USP34: variants seen among roughly 807,000 people sequenced by gnomAD.
The protein encoded by USP34 is ubiquitin specific peptidase 34.
USP34 carries 70 observed loss-of-function variants against 460.3 expected under a neutral mutation model. The ratio of observed to expected loss-of-function variants is 0.15; its 90% CI spans 0.13 to 0.19. The LOEUF (loss-of-function observed/expected upper bound fraction) is 0.19. Among genes scored for constraint, USP34 ranks in the 10% least tolerant of loss-of-function variants. USP34 has a pLI of 1.00. For missense variants in USP34, 3,985 were observed against 4,236.2 expected (o/e 0.94, Z 1.65); for synonymous variants, 1,647 against 1,405.3 (o/e 1.17, Z -3.85).
At chr2:61,231,974 C>T (rs1256926615) in intron 58 of USP34, among the ~76,000 whole-genome samples, 1 of 151,492 alleles carries the variant, frequency 6.6e-6, no homozygotes, top group African/African-American at 2.4e-5. Context: ...TGAAAAGTGA[C>T]TATAAAGTAA....
At chr2:61,323,625 A>T (rs1441405913) in intron 21 of USP34, among the ~76,000 whole-genome samples, 2 of 151,890 alleles carry the variant, frequency 1.3e-5, no homozygotes, top group Non-Finnish European at 2.9e-5. Flanking sequence ...AGTGGTGGGG[A>T]GAACAGCCAT....
At chr2:61,263,297 C>CTT (rs1688950751) in intron 43 of USP34, among the ~76,000 whole-genome samples, 1 of 150,948 alleles carries the variant, frequency 6.6e-6, no homozygotes, top group Admixed American at 6.6e-5. Context: ...TCTCCTGCCT[C>CTT]TGACTCCCAA....
chr2:61,397,353 G>A (rs1395836916), intron 3 of USP34, among the ~76,000 whole-genome samples: 1 of 151,214 alleles, frequency 6.6e-6, no homozygotes, highest in East Asian at 1.9e-4. Context: ...TGATGCAGGA[G>A]AACTGCTTGA....
chr2:61,214,095 T>G lies in USP34; in HGVS notation c.8647A>C (p.Lys2883Gln), dbSNP rs1180225578. Residue 2883 changes from lysine (K) to glutamine (Q), a missense_variant, in exon 68 of 80, where the codon AAG becomes CAG. Around this residue, in one of 14 missense-constraint regions of USP34, gnomAD observed 275 missense variants for 292.7 expected, o/e 0.94. Transcript: ENST00000398571. ...ASHQNIQWAF[K>Q]NLTPHASQYP... ...TGGCTGGCATGTGGTGTAAGATTCTTAAAGGCCCACTGGATGTTCTGGTGA... is the reference window on the plus strand; with the variant it reads ...TGGCTGGCATGTGGTGTAAGATTCTGAAAGGCCCACTGGATGTTCTGGTGA... 1 of 1,614,224 alleles carries G rather than the reference T, an allele frequency of 6.2e-7. No individual in the cohort carries two copies. Among genetic ancestry groups the G allele is most frequent in the Admixed American group, 1.7e-5 (1 of 60,032 alleles).
chr2:61,348,706 C>A, intron 14 of USP34, 50 bp downstream of exon 14: 1 of 1,577,960 alleles, frequency 6.3e-7, no homozygotes, highest in Non-Finnish European at 8.6e-7. Flanking sequence ...ATGATAAACA[C>A]GCCAGAAAGC....
chr2:61,374,032 T>G (rs1190991078), intron 8 of USP34, among the ~76,000 whole-genome samples: 1 of 151,922 alleles, frequency 6.6e-6, no homozygotes, highest in Non-Finnish European at 1.5e-5. Flanking sequence ...GGCAGGTGCC[T>G]ATAATCCCAG....
At chr2:61,451,555 G>T (rs530459708) in intron 1 of USP34, among the ~76,000 whole-genome samples, 43 of 152,078 alleles carry the variant, frequency 2.8e-4, no homozygotes, top group African/African-American at 9.4e-4. Context: ...GGTGGCACAT[G>T]CCTGCAATCC....
chr2:61,193,170 T>A, intron 75 of USP34, 190 bp from the exon 76 acceptor site: 1 of 534,228 alleles, frequency 1.9e-6, no homozygotes, highest in Admixed American at 3.5e-5. Flanking sequence ...ACTTTGAATT[T>A]ATTTATATCC....
In USP34 at chr2:61,292,056, C is replaced by T. The variant is rs915874355; in HGVS notation, c.4548+1408G>A. 2.0e-5 allele frequency among the ~76,000 whole-genome samples: 3 copies of T among 152,186 alleles called. No individual in the cohort carries two copies. The East Asian group carries it at 5.8e-4, about 29-fold the overall frequency. On this transcript the variant is annotated intron_variant, in intron 33 of 79. Transcript: ENST00000398571. ...AGACTATAATGATGGTTGCCTAGGGCTAAAGCGTTTAGGGGGAGGTTTCTT... is the reference window on the plus strand; with the variant it reads ...AGACTATAATGATGGTTGCCTAGGGTTAAAGCGTTTAGGGGGAGGTTTCTT...
intron 25 of USP34, among the ~76,000 whole-genome samples, chr2:61,314,297 C>T (rs982592911): frequency 3.3e-5 from 5 of 152,028 alleles, no homozygotes; most frequent in Admixed American, 1.3e-4. Flanking sequence ...AAAGTCAATA[C>T]TTTATCTTAG....
rs1316114962 is a variant in USP34 at position 61,229,000 on chromosome 2, G to A, written c.7200-5C>T. 3 of 1,555,482 alleles carry A rather than the reference G, an allele frequency of 1.9e-6. No homozygotes were observed. The highest frequency in any genetic ancestry group is 2.6e-6 in the Non-Finnish European group (3 of 1,150,326). On this transcript the variant is annotated splice_region_variant and splice_polypyrimidine_tract_variant and intron_variant, in intron 59 of 79. Coordinates refer to ENST00000398571, the MANE Select transcript of USP34 (RefSeq NM_014709.4). Reference sequence around the variant, plus strand: ...GAGGTATCCATATCATCTGACCTAAGAGACAATTAAATAGATCTTAGAGAA... The same window carrying A: ...GAGGTATCCATATCATCTGACCTAAAAGACAATTAAATAGATCTTAGAGAA...
At chr2:61,256,528 C>A in intron 47 of USP34, 50 bp from the exon 48 acceptor site, 2 of 1,366,862 alleles carry the variant, frequency 1.5e-6, no homozygotes, top group Non-Finnish European at 2.0e-6. Context: ...TTATAGCATG[C>A]AAATATACAA....
rs530242970 is a variant in USP34 at position 61,441,166 on chromosome 2, G to A, written c.44-20333C>T. ...ATTTTTTTTTTTTTTTGGACTCAGA[G>A]TCTTGCTCTGTGGCCCAGGCTAGAG... is the stretch of plus-strand genomic sequence containing the variant. On this transcript the variant is annotated intron_variant, in intron 1 of 79. Transcript: ENST00000398571. Among the ~76,000 whole-genome samples, 4 of 149,016 alleles carry A rather than the reference G, an allele frequency of 2.7e-5. No homozygotes were observed. The East Asian group carries it at 6.0e-4, about 22-fold the overall frequency.
intron 43 of USP34, among the ~76,000 whole-genome samples, chr2:61,261,081 C>T (rs897698421): frequency 2.0e-5 from 3 of 152,168 alleles, no homozygotes; most frequent in South Asian, 4.1e-4. Flanking sequence ...CGGTGTAAGC[C>T]CTATGGAAAA....
intron 19 of USP34, 77 bp from the exon 20 acceptor site, chr2:61,331,448 G>A: frequency 2.6e-6 from 3 of 1,163,978 alleles, no homozygotes; most frequent in South Asian, 2.1e-5. Context: ...CAGTAAATAT[G>A]CAAATCTAAA....
chr2:61,203,881 G>A (rs912484739), intron 74 of USP34, among the ~76,000 whole-genome samples: 6 of 150,950 alleles, frequency 4.0e-5, no homozygotes, highest in Non-Finnish European at 8.8e-5. Flanking sequence ...TTAGGTCAAA[G>A]GAATATAATT....
chr2:61,328,439 T>A (rs1264796260), intron 20 of USP34, among the ~76,000 whole-genome samples: 2 of 152,142 alleles, frequency 1.3e-5, no homozygotes, highest in Non-Finnish European at 2.9e-5. Flanking sequence ...AACTTTCCTA[T>A]TTTAATCTCC....
chr2:61,457,615 C>A (rs1238407061), intron 1 of USP34, among the ~76,000 whole-genome samples: 1 of 152,206 alleles, frequency 6.6e-6, no homozygotes, highest in Non-Finnish European at 1.5e-5. Flanking sequence ...GTAATCCCAG[C>A]ACTTTGGGAG....
chr2:61,347,983 T>A lies in USP34; in HGVS notation c.2172A>T (p.Thr724=), dbSNP rs376138370. 3.1e-6 allele frequency: 5 copies of A among 1,614,050 alleles called. No homozygotes were observed. In the African/African-American group the frequency reaches 5.3e-5, roughly 17 times the overall value. ...TCTCCCCAAGGAAGTCCCCAGTTCG[T>A]GTGATACAAGACTCCTGAGACCCTT... is the stretch of plus-strand genomic sequence containing the variant. ...IAQGSQESCI[T]RTGDFLGETI... Residue 724 remains threonine, a synonymous_variant, in exon 15 of 80, where the codon ACA becomes ACT. Coordinates refer to ENST00000398571, the MANE Select transcript of USP34 (RefSeq NM_014709.4).
Sources: allele counts gnomAD v4.1 joint callset (sites outside exome capture counted in the v4.1 genomes callset), GRCh38; gene constraint gnomAD v4.1.1; regional missense constraint gnomAD v4.1.1; transcripts MANE v1.5; gene names NCBI Gene and HGNC (gene_info 2026-07-23, HGNC 2026-07-21).